Variants in PPP1R12C observed in about 807,000 individuals in gnomAD.
The protein encoded by PPP1R12C is protein phosphatase 1 regulatory subunit 12C.
Under a neutral mutation model 95.6 loss-of-function variants are expected in PPP1R12C, and 48 were observed. The ratio of observed to expected loss-of-function variants is 0.50; its 90% CI spans 0.40 to 0.64. PPP1R12C has a LOEUF of 0.64. PPP1R12C is among the 30% of genes least tolerant of loss of function. The pLI is 0.00. For missense variants in PPP1R12C, 1,057 were observed against 1,083.3 expected, an observed-to-expected ratio of 0.98 and a Z score of 0.34; for synonymous variants, 480 against 460.8, an observed-to-expected ratio of 1.04 and a Z score of -0.53.
chr19:55,098,701 G>A (rs2084949014), intron 6 of PPP1R12C, 83 bp downstream of exon 6: 3 of 1,544,892 alleles, frequency 1.9e-6, no homozygotes, highest in Non-Finnish European at 2.7e-6. Flanking sequence ...CAGAAGTCGG[G>A]GGGGTTCCCC....
At chr19:55,114,260 C>A in intron 1 of PPP1R12C, 1 of 157,216 alleles carries the variant, frequency 6.4e-6, no homozygotes, top group Non-Finnish European at 1.4e-5. Flanking sequence ...GCCCAGGCCC[C>A]CAGCTCTTCT....
chr19:55,104,199 T>TATATATATATATATACACACACAC (rs34075382), intron 3 of PPP1R12C, among the ~76,000 whole-genome samples: 5 of 120,042 alleles, frequency 4.2e-5, no homozygotes, highest in African/African-American at 1.8e-4. Context: ...TATATATATA[T>TATATATATATATATACACACACAC]ACACACACAC....
In PPP1R12C at chr19:55,112,469, C is replaced by T. The variant is rs143271686; in HGVS notation, c.569G>A (p.Arg190Gln). The change falls in exon 3 of 22, where the codon CGA becomes CAA. Residue 190 changes from arginine to glutamine, a missense_variant and splice_region_variant. Physicochemically the swap from Arg to Gln is conservative, Grantham distance 43. Around this residue, in one of 5 missense-constraint regions of PPP1R12C, gnomAD observed 282 missense variants for 380.4 expected, o/e 0.74. Coordinates refer to ENST00000263433, the MANE Select transcript of PPP1R12C (RefSeq NM_017607.4). ...EGLLKAEIAR[R>Q]GVDVEAAKRA... ...ACACACAGCACACCAGAGCCCACCT[C>T]GGCGGGCGATCTCCGCCTTCAGCAG... 2,188 of 1,609,922 alleles carry T rather than the reference C, an allele frequency of 1.4e-3. 5 individuals carry two copies. Among genetic ancestry groups the T allele is most frequent in the Non-Finnish European group, 1.6e-3 (1,943 of 1,179,196 alleles).
intron 4 of PPP1R12C, among the ~76,000 whole-genome samples, chr19:55,101,184 G>GT (rs2084975584): frequency 6.6e-6 from 1 of 152,004 alleles, no homozygotes; most frequent in South Asian, 2.1e-4. Context: ...GGGGACAGAG[G>GT]TTGCAGTGAG....
At chr19:55,102,447 G>A (rs1046878771) in intron 4 of PPP1R12C, among the ~76,000 whole-genome samples, 2 of 152,220 alleles carry the variant, frequency 1.3e-5, no homozygotes. Flanking sequence ...AGGAGGTGGA[G>A]GTTGCAGTGA....
At position 55,092,210 on chromosome 19, in the gene PPP1R12C, C is replaced by T. The variant is rs116012849; in HGVS notation, c.2160+12G>A. Reference sequence around the variant, plus strand: ...CTGCCAGTTCCCGTGACCCTGGCCTCGGCGCCCTTACCTGCGTGGCCCGCT... The same window carrying T: ...CTGCCAGTTCCCGTGACCCTGGCCTTGGCGCCCTTACCTGCGTGGCCCGCT... On this transcript the variant is annotated intron_variant, in intron 19 of 21. Transcript: ENST00000263433. The T allele has an allele frequency of 1.3e-6, 2 of 1,552,612 alleles. No homozygotes were observed. The highest frequency in any genetic ancestry group is 1.9e-5 in the Admixed American group (1 of 52,944).
chr19:55,111,025 G>A (rs923733280), intron 3 of PPP1R12C, among the ~76,000 whole-genome samples: 3 of 151,614 alleles, frequency 2.0e-5, no homozygotes, highest in Admixed American at 1.3e-4. Context: ...ACAGAGAGAA[G>A]GAACACAAAT....
rs758665614 is a variant in PPP1R12C, at chr19:55,112,628, C to A, written c.452+37G>T. The A allele has an allele frequency of 6.8e-6, 11 of 1,612,420 alleles. No homozygotes were observed. In the East Asian group the frequency reaches 2.0e-4, roughly 29 times the overall value. Reference sequence around the variant, plus strand: ...TCAGGGCTGAGGGTCCAGGCCCCCACCCCGACCAGGTCCTGCCCGGCCCTC... The same window carrying A: ...TCAGGGCTGAGGGTCCAGGCCCCCAACCCGACCAGGTCCTGCCCGGCCCTC... On this transcript the variant is annotated intron_variant, in intron 2 of 21. Coordinates refer to ENST00000263433, the MANE Select transcript of PPP1R12C (RefSeq NM_017607.4).
intron 4 of PPP1R12C, among the ~76,000 whole-genome samples, chr19:55,101,065 G>A (rs749887775): frequency 5.3e-5 from 8 of 152,104 alleles, no homozygotes; most frequent in East Asian, 2.0e-4. Flanking sequence ...CCTGGCCAAC[G>A]TGGCAAAACC....
In PPP1R12C at chr19:55,092,454, T is replaced by A. The variant is rs1314123192; in HGVS notation, c.2043A>T (p.Gly681=). The change falls in exon 18 of 22, where the codon GGA becomes GGT. Residue 681 remains glycine, a synonymous_variant. Coordinates refer to ENST00000263433, the MANE Select transcript of PPP1R12C (RefSeq NM_017607.4). The stretch of plus-strand genomic sequence containing the variant: ...GGTGGGATCGCACCGTCCTAAAGCC[T>A]CCGTCTGGCTCTTCCGATTCTGGCT... ...EPEPESEEPD[G]GFRTLYAELR... 6.2e-7 allele frequency: 1 copy of A among 1,608,664 alleles called. No homozygotes were observed. The highest frequency in any genetic ancestry group is 1.7e-5 in the Admixed American group (1 of 59,500).
Position 55,095,324 on chromosome 19 carries a change from G to A in PPP1R12C, c.1421C>T (p.Thr474Ile), listed in dbSNP as rs1331763220. Residue 474 changes from threonine (T) to isoleucine (I), a missense_variant, in exon 11 of 22, where the codon ACC becomes ATC. Thr to Ile is a moderately conservative substitution (Grantham distance 89, BLOSUM62 -1). Around this residue, in one of 5 missense-constraint regions of PPP1R12C, gnomAD observed 356 missense variants for 330.5 expected, o/e 1.08. Coordinates refer to ENST00000263433, the MANE Select transcript of PPP1R12C (RefSeq NM_017607.4). ...KELRLARITP[T>I]PSPKLPEPSV... ...GGGCTCCGGCAGCTTCGGGGAGGGG[G>A]TCGGGGTAATTCTGGCAAGACGGAG... is the stretch of plus-strand genomic sequence containing the variant. 1.9e-6 allele frequency: 3 copies of A among 1,590,178 alleles called. No individual in the cohort carries two copies. The highest frequency in any genetic ancestry group is 2.6e-6 in the Non-Finnish European group (3 of 1,168,652).
intron 1 of PPP1R12C, chr19:55,113,771 G>C: frequency 3.0e-6 from 1 of 328,702 alleles, no homozygotes; most frequent in Non-Finnish European, 5.4e-6. Flanking sequence ...CGTGCCCTGG[G>C]AACGGGATGA....
At chr19:55,116,001 G>A (rs967921779) in intron 1 of PPP1R12C, among the ~76,000 whole-genome samples, 6 of 152,184 alleles carry the variant, frequency 3.9e-5, no homozygotes, top group Admixed American at 2.6e-4. Flanking sequence ...AGACTAGAGA[G>A]GTAAGGGGGG....
chr19:55,095,987 T>A, intron 8 of PPP1R12C, 47 bp from the exon 9 acceptor site: 1 of 1,608,768 alleles, frequency 6.2e-7, no homozygotes, highest in Non-Finnish European at 8.5e-7. Context: ...GCCAGTTGCC[T>A]CTAGATTCAG....
In PPP1R12C at chr19:55,096,268, T is replaced by C; in HGVS notation, c.1019A>G (p.His340Arg). The C allele has an allele frequency of 1.2e-6, 2 of 1,613,846 alleles. No homozygotes were observed. Among genetic ancestry groups the C allele is most frequent in the Non-Finnish European group, 1.7e-6 (2 of 1,179,920 alleles). ...GACTCCTCCCTCCCTATACCTTCTG[T>C]GTTTGCTGCTAGAGGGCGCTTGGGG... The part of the protein sequence containing the change: ...QEPQAPSSSK[H>R]RRSSVCRLSS... Residue 340 changes from histidine to arginine, a missense_variant, in exon 7 of 22, where the codon CAC (histidine) becomes CGC (arginine). Physicochemically the swap from His to Arg is conservative, Grantham distance 29. Coordinates refer to ENST00000263433, the MANE Select transcript of PPP1R12C (RefSeq NM_017607.4).
Position 55,104,246 on chromosome 19 carries a change from TATATA to T in PPP1R12C, c.572-683_572-679del, listed in dbSNP as rs1326719167. Reference sequence around the variant, plus strand: ...AATATAAATATAAAAAATATTTATATATATAATATATATATAACATATATATGCAT... The same window carrying T: ...AATATAAATATAAAAAATATTTATATATATATATATAACATATATATGCAT... On this transcript the variant is annotated intron_variant, in intron 3 of 21. Transcript: ENST00000263433. Among the ~76,000 whole-genome samples, 3 of 145,076 alleles carry T rather than the reference TATATA, an allele frequency of 2.1e-5. No homozygotes were observed. The East Asian group carries it at 5.9e-4, about 28-fold the overall frequency.
chr19:55,098,075 C>G (rs895336820), intron 6 of PPP1R12C, among the ~76,000 whole-genome samples: 3 of 152,214 alleles, frequency 2.0e-5, no homozygotes, highest in Non-Finnish European at 4.4e-5. Context: ...GCTCCCCTGC[C>G]CACGCACCAG....
chr19:55,115,018 CG>C (rs1404286616), intron 1 of PPP1R12C: 3 of 152,230 alleles, frequency 2.0e-5, no homozygotes, highest in Non-Finnish European at 2.9e-5. Context: ...GAAGCCTGAG[CG>C]CCTCTCCTGG....
chr19:55,091,262 T>C lies in PPP1R12C; in HGVS notation c.*210A>G, dbSNP rs950887249. 1 of 591,970 alleles carries C rather than the reference T, an allele frequency of 1.7e-6. No homozygotes were observed. Among genetic ancestry groups the C allele is most frequent in the Admixed American group, 3.0e-5 (1 of 33,124 alleles). The allele number at this position is 591,970 out of a possible 1,614,324, so 36.7% of individuals were successfully genotyped here. A position where few individuals can be genotyped will look rare whatever the true frequency, so the allele number is the denominator to read the frequency against. ...CTGGTCCCCTCTGGCAACGTCCCCC[T>C]GCTTGGCTCGGCCTCCCACCTCCAT... On this transcript the variant is annotated 3_prime_UTR_variant, in exon 22 of 22. Coordinates refer to ENST00000263433, the MANE Select transcript of PPP1R12C (RefSeq NM_017607.4).
Sources: allele counts gnomAD v4.1 joint callset (sites outside exome capture counted in the v4.1 genomes callset), GRCh38; gene constraint gnomAD v4.1.1; regional missense constraint gnomAD v4.1.1; transcripts MANE v1.5; gene names NCBI Gene and HGNC (gene_info 2026-07-23, HGNC 2026-07-21).